The following CFAP77 variants were observed in gnomAD, a reference collection of about 807,000 sequenced individuals.
CFAP77 encodes cilia- and flagella-associated protein 77.
CFAP77 carries 25 observed loss-of-function variants against 31.1 expected under a neutral mutation model. The observed-to-expected ratio is 0.80, with a 90% CI of 0.59 to 1.12. CFAP77 has a LOEUF of 1.12. CFAP77 is among the 50% of genes most tolerant of loss of function. The pLI is 0.00. For synonymous variants in CFAP77, 151 were observed against 159.9 expected, an observed-to-expected ratio of 0.94 and a Z score of 0.42; for missense variants, 377 against 397.3, an observed-to-expected ratio of 0.95 and a Z score of 0.44.
rs992371062 is a variant in CFAP77, at chr9:132,552,136, G to C, written c.732+9089G>C. Among the ~76,000 whole-genome samples, 5 of 152,262 alleles carry C rather than the reference G, an allele frequency of 3.3e-5. No individual in the cohort carries two copies. Among genetic ancestry groups the C allele is most frequent in the African/African-American group, 1.2e-4 (5 of 41,470 alleles). ...TGAGTCCAGCAGGAGGGCTGGGTCT[G>C]TCTGTGGGCTGGGCAGCCATGCAGA... is the stretch of plus-strand genomic sequence containing the variant. On this transcript the variant is annotated intron_variant, in intron 5 of 5. Transcript: ENST00000393216. This position sits in a 1 kb window ranked among gnomAD's most constrained non-coding sequence, Gnocchi z 5.5.
Position 132,499,237 on chromosome 9 carries a change from C to A in CFAP77, c.296-135C>A. 8.1e-6 allele frequency: 6 copies of A among 736,748 alleles called. No homozygotes were observed. The highest frequency in any genetic ancestry group is 3.6e-5 in the South Asian group (2 of 55,084). The allele number at this position is 736,748 out of a possible 1,614,324, so 45.6% of individuals were successfully genotyped here. A position where few individuals can be genotyped will look rare whatever the true frequency, so the allele number is the denominator to read the frequency against. On this transcript the variant is annotated intron_variant, in intron 2 of 5. Coordinates refer to ENST00000393216, the MANE Select transcript of CFAP77 (RefSeq NM_001282957.2). This position sits in a 1 kb window ranked among gnomAD's most constrained non-coding sequence, Gnocchi z 5.4. ...GCCATCATGCTTTCTGGGGGCCAGG[C>A]AGGGTTGTCACCCAGTAGGCTCAGG...
chr9:132,535,929 G>C (rs932537846), intron 3 of CFAP77, among the ~76,000 whole-genome samples: 2 of 151,968 alleles, frequency 1.3e-5, no homozygotes, highest in Non-Finnish European at 2.9e-5. Context: ...TATTCAAAAA[G>C]TTCTAGCTTT....
chr9:132,518,222 C>T (rs922912466), intron 3 of CFAP77, among the ~76,000 whole-genome samples: 2 of 151,960 alleles, frequency 1.3e-5, no homozygotes, highest in African/African-American at 4.8e-5. Context: ...TGGGGCCCAG[C>T]GTGGAAGTCA....
intron 5 of CFAP77, among the ~76,000 whole-genome samples, chr9:132,569,631 G>A (rs181264202): frequency 8.6e-4 from 130 of 152,024 alleles, no homozygotes; most frequent in African/African-American, 3.0e-3. Flanking sequence ...AAGGCCAGGG[G>A]TGCCTCAGGT....
chr9:132,513,270 A>G (rs1852073205), intron 3 of CFAP77: 1 of 1,548,236 alleles, frequency 6.5e-7, no homozygotes, highest in Non-Finnish European at 8.7e-7. Context: ...AAACTTTCCA[A>G]ACAAATAGAA....
chr9:132,551,458 G>A lies in CFAP77; in HGVS notation c.732+8411G>A, dbSNP rs149691138. ...TTACAGACATCCGCCACCACGCCCG[G>A]CTAATTTTTGTATTTTTAGTAGAGA... On this transcript the variant is annotated intron_variant, in intron 5 of 5. Transcript: ENST00000393216. Among the ~76,000 whole-genome samples the A allele has an allele frequency of 3.5e-3, 531 of 152,248 alleles. 3 individuals carry two copies. Among genetic ancestry groups the A allele is most frequent in the African/African-American group, 0.012 (496 of 41,530 alleles).
intron 5 of CFAP77, among the ~76,000 whole-genome samples, chr9:132,559,276 C>T (rs1012804463): frequency 9.7e-5 from 13 of 134,622 alleles, no homozygotes; most frequent in East Asian, 2.3e-4. Flanking sequence ...ACCCGGGAGG[C>T]GGAGGTTGCA....
At position 132,435,330 on chromosome 9, in the gene CFAP77, A is replaced by G. The variant is rs548971024; in HGVS notation, c.195+24864A>G. On this transcript the variant is annotated intron_variant, in intron 1 of 5. Coordinates refer to ENST00000393216, the MANE Select transcript of CFAP77 (RefSeq NM_001282957.2). ...GTTGTAACTTCCATTTTGGGGTTCT[A>G]AGAGAGAGAAAAAGAGAGAGATTTT... 1.7e-4 allele frequency among the ~76,000 whole-genome samples: 26 copies of G among 152,286 alleles called. No homozygotes were observed. In the South Asian group the frequency reaches 4.8e-3, roughly 28 times the overall value.
In CFAP77 at chr9:132,443,131, G is replaced by A. The variant is rs1850643207; in HGVS notation, c.195+32665G>A. ...TTCATCCATGTCGCAGCAAGTATCA[G>A]TACGTCATTCCTTTTAATGGCTAAA... On this transcript the variant is annotated intron_variant, in intron 1 of 5. Transcript: ENST00000393216. Among the ~76,000 whole-genome samples the A allele has an allele frequency of 5.9e-5, 9 of 152,082 alleles. 1 individual carries two copies. In the South Asian group the frequency reaches 1.9e-3, roughly 32 times the overall value.
intron 3 of CFAP77, among the ~76,000 whole-genome samples, chr9:132,521,242 C>G (rs930203341): frequency 1.3e-5 from 2 of 152,222 alleles, no homozygotes; most frequent in Admixed American, 6.5e-5. Flanking sequence ...GCCACGTGTC[C>G]TCGGTGCTTG....
intron 1 of CFAP77, among the ~76,000 whole-genome samples, chr9:132,493,261 T>A (rs1851678837): frequency 6.6e-6 from 1 of 152,188 alleles, no homozygotes. Flanking sequence ...TTCCACTTCA[T>A]CCTTCCAGGC....
At chr9:132,502,250 C>CATAT (rs201612657) in intron 3 of CFAP77, among the ~76,000 whole-genome samples, 3 of 102,156 alleles carry the variant, frequency 2.9e-5, no homozygotes, top group African/African-American at 1.3e-4. Context: ...ACTGTGCCAT[C>CATAT]ATATATATAT....
At chr9:132,435,853 C>T (rs1850496746) in intron 1 of CFAP77, among the ~76,000 whole-genome samples, 1 of 152,170 alleles carries the variant, frequency 6.6e-6, no homozygotes, top group Admixed American at 6.5e-5. Context: ...ACTTTATTGT[C>T]ACCCACTGTA....
At chr9:132,530,255 G>A (rs371390379) in intron 3 of CFAP77, among the ~76,000 whole-genome samples, 10 of 147,796 alleles carry the variant, frequency 6.8e-5, no homozygotes, top group African/African-American at 2.0e-4. Flanking sequence ...CTGAGCCACC[G>A]GGCTAGGCTT....
chr9:132,476,607 A>G (rs1009161980), intron 1 of CFAP77, among the ~76,000 whole-genome samples: 4 of 152,136 alleles, frequency 2.6e-5, no homozygotes, highest in African/African-American at 7.2e-5. Flanking sequence ...TCTCAAGATG[A>G]TACCATACTG....
chr9:132,561,565 A>C (rs774468745), intron 5 of CFAP77, among the ~76,000 whole-genome samples: 153 of 150,330 alleles, frequency 1.0e-3, no homozygotes, highest in Non-Finnish European at 1.6e-3. Context: ...GAATTTGTAC[A>C]GCGCCAGATT....
Position 132,497,887 on chromosome 9 carries a change from T to C in CFAP77, c.196-808T>C, listed in dbSNP as rs909125319. On this transcript the variant is annotated intron_variant, in intron 1 of 5. Coordinates refer to ENST00000393216, the MANE Select transcript of CFAP77 (RefSeq NM_001282957.2). The surrounding 1 kb of genome is among the most constrained non-coding windows in gnomAD (Gnocchi z 4.9). ...CTCTGACCTCGAGGAGCTGCTGTGA[T>C]AAAGGGAGACCGCGTGGCAGGATGA... is the stretch of plus-strand genomic sequence containing the variant. Among the ~76,000 whole-genome samples the C allele has an allele frequency of 6.6e-6, 1 of 151,988 alleles. No individual in the cohort carries two copies. Among genetic ancestry groups the C allele is most frequent in the Admixed American group, 6.5e-5 (1 of 15,280 alleles).
rs1852713246 is a variant in CFAP77, at chr9:132,545,226, T to G, written c.732+2179T>G. Among the ~76,000 whole-genome samples the G allele has an allele frequency of 6.6e-6, 1 of 152,220 alleles. No homozygotes were observed. Among genetic ancestry groups the G allele is most frequent in the Non-Finnish European group, 1.5e-5 (1 of 68,032 alleles). Reference sequence around the variant, plus strand: ...ATTATGAACAATAGCAAACCAGGAATGATGGCCTCCTGTGCCATGCCAGGC... The same window carrying G: ...ATTATGAACAATAGCAAACCAGGAAGGATGGCCTCCTGTGCCATGCCAGGC... On this transcript the variant is annotated intron_variant, in intron 5 of 5. Coordinates refer to ENST00000393216, the MANE Select transcript of CFAP77 (RefSeq NM_001282957.2). This position sits in a 1 kb window ranked among gnomAD's most constrained non-coding sequence, Gnocchi z 4.6.
intron 3 of CFAP77, among the ~76,000 whole-genome samples, chr9:132,519,514 GGGTGGGTA>G (rs1564238074): frequency 2.9e-4 from 31 of 105,466 alleles, no homozygotes; most frequent in South Asian, 3.8e-4. Context: ...ATGGGTGGGT[GGGTGGGTA>G]GATGGATGGA....
Sources: allele counts gnomAD v4.1 joint callset (sites outside exome capture counted in the v4.1 genomes callset), GRCh38; gene constraint gnomAD v4.1.1; non-coding constraint Gnocchi (gnomAD v3.1); transcripts MANE v1.5; gene names NCBI Gene and HGNC (gene_info 2026-07-23, HGNC 2026-07-21).